Variants in CCDC42 observed in about 807,000 individuals in gnomAD.
The protein encoded by CCDC42 is coiled-coil domain containing 42.
A neutral mutation model predicts 40.8 loss-of-function variants in CCDC42; 38 were observed. That is an observed-to-expected ratio of 0.93 (90% CI 0.72 to 1.22). The LOEUF (loss-of-function observed/expected upper bound fraction) is 1.22, where lower values mean the gene tolerates loss of function less well. CCDC42 is among the 50% of genes most tolerant of loss of function. CCDC42 has a pLI of 0.00. For missense variants in CCDC42, 379 were observed against 416.5 expected (o/e 0.91, Z 0.78); for synonymous variants, 135 against 157.5 (o/e 0.86, Z 1.07).
chr17:8,730,056 T>G lies in CCDC42; in HGVS notation c.*74A>C. On this transcript the variant is annotated 3_prime_UTR_variant, in exon 7 of 7. Coordinates refer to ENST00000293845, the MANE Select transcript of CCDC42 (RefSeq NM_144681.3). ...AGCAGGCATCGGTCCCGAGCTGGAC[T>G]GACTGGACCGCAGGCTCACGACTTC... 7.2e-7 allele frequency: 1 copy of G among 1,391,622 alleles called. No individual in the cohort carries two copies. The highest frequency in any genetic ancestry group is 1.0e-6 in the Non-Finnish European group (1 of 984,048). The allele number at this position is 1,391,622 out of a possible 1,614,324, so 86.2% of individuals were successfully genotyped here.
chr17:8,742,108 A>G (rs1362194390), intron 3 of CCDC42, among the ~76,000 whole-genome samples: 1 of 151,918 alleles, frequency 6.6e-6, no homozygotes, highest in Non-Finnish European at 1.5e-5. Flanking sequence ...GGGAGCAAGA[A>G]CCCTCCTGAC....
At chr17:8,744,287 CCT>C in intron 1 of CCDC42, 103 bp from the exon 2 acceptor site, 1 of 872,076 alleles carries the variant, frequency 1.1e-6, no homozygotes. Flanking sequence ...AGCAGAGGGG[CCT>C]CTCTCCCTTT....
At position 8,730,007 on chromosome 17, in the gene CCDC42, AG is replaced by A; in HGVS notation, c.*122del. 1 of 777,422 alleles carries A rather than the reference AG, an allele frequency of 1.3e-6. No homozygotes were observed. Among genetic ancestry groups the A allele is most frequent in the South Asian group, 1.5e-5 (1 of 68,188 alleles). The allele number at this position is 777,422 out of a possible 1,614,324, so 48.2% of individuals were successfully genotyped here. ...GTGAGGCCCACGGGGGAAAATAAGC[AG>A]GTGTCCCTCAGCAGGAAGGCACAGC... is the stretch of plus-strand genomic sequence containing the variant. On this transcript the variant is annotated 3_prime_UTR_variant, in exon 7 of 7. Coordinates refer to ENST00000293845, the MANE Select transcript of CCDC42 (RefSeq NM_144681.3).
At chr17:8,734,069 C>A (rs938497665) in intron 6 of CCDC42, among the ~76,000 whole-genome samples, 4 of 152,200 alleles carry the variant, frequency 2.6e-5, no homozygotes, top group African/African-American at 9.6e-5. Context: ...TGAGCACCGG[C>A]CTGTCCTCTG....
rs755728387 is a variant in CCDC42, at chr17:8,735,225, G to T, written c.744C>A (p.Thr248=). 6.2e-7 allele frequency: 1 copy of T among 1,614,004 alleles called. No homozygotes were observed. The highest frequency in any genetic ancestry group is 8.5e-7 in the Non-Finnish European group (1 of 1,180,018). Residue 248 remains threonine (T), a synonymous_variant, in exon 6 of 7, where the codon ACC becomes ACA. Coordinates refer to ENST00000293845, the MANE Select transcript of CCDC42 (RefSeq NM_144681.3). The surrounding 1 kb of genome is among the most constrained non-coding windows in gnomAD (Gnocchi z 4.7). ...CAAGCAGGAGGGTCTTCTTGGCTGC[G>T]GTGTTCTGGATGTGCGCCCAGCGAG... is the stretch of plus-strand genomic sequence containing the variant. ...WESRWAHIQN[T]AAKKTLLLGT...
chr17:8,732,049 C>T (rs1265027037), intron 6 of CCDC42, among the ~76,000 whole-genome samples: 1 of 151,832 alleles, frequency 6.6e-6, no homozygotes, highest in Non-Finnish European at 1.5e-5. Flanking sequence ...GCCTGTAATC[C>T]CAGCACTTTG....
chr17:8,735,614 G>A lies in CCDC42; in HGVS notation c.493-3C>T. On this transcript the variant is annotated splice_region_variant and splice_polypyrimidine_tract_variant and intron_variant, in intron 4 of 6. Transcript: ENST00000293845. This position sits in a 1 kb window ranked among gnomAD's most constrained non-coding sequence, Gnocchi z 4.7. Reference sequence around the variant, plus strand: ...ATCACCTCATGGATCTCCTCGAACTGTGGTCAGGGGCTCAGGTCAATGCAC... The same window carrying A: ...ATCACCTCATGGATCTCCTCGAACTATGGTCAGGGGCTCAGGTCAATGCAC... 6.2e-7 allele frequency: 1 copy of A among 1,612,586 alleles called. No homozygotes were observed. Among genetic ancestry groups the A allele is most frequent in the South Asian group, 1.1e-5 (1 of 91,006 alleles).
At position 8,744,687 on chromosome 17, in the gene CCDC42, G is replaced by T; in HGVS notation, c.-78C>A. 1.0e-6 allele frequency: 1 copy of T among 1,000,400 alleles called. No individual in the cohort carries two copies. The allele number at this position is 1,000,400 out of a possible 1,614,324, so 62.0% of individuals were successfully genotyped here. A position where few individuals can be genotyped will look rare whatever the true frequency, so the allele number is the denominator to read the frequency against. Reference sequence around the variant, plus strand: ...GGTAGCAGAGCCACAGGTGGCTCAGGGGTGGTGGCTGCACTCTTGTTTCTC... The same window carrying T: ...GGTAGCAGAGCCACAGGTGGCTCAGTGGTGGTGGCTGCACTCTTGTTTCTC... On this transcript the variant is annotated 5_prime_UTR_variant, in exon 1 of 7. Coordinates refer to ENST00000293845, the MANE Select transcript of CCDC42 (RefSeq NM_144681.3).
At chr17:8,732,047 T>C (rs1203305470) in intron 6 of CCDC42, among the ~76,000 whole-genome samples, 1 of 151,854 alleles carries the variant, frequency 6.6e-6, no homozygotes, top group Non-Finnish European at 1.5e-5. Flanking sequence ...AAGCCTGTAA[T>C]CCCAGCACTT....
In CCDC42 at chr17:8,741,682, G is replaced by A. The variant is rs780257423; in HGVS notation, c.295-11C>T. On this transcript the variant is annotated splice_polypyrimidine_tract_variant and intron_variant, in intron 3 of 6. Transcript: ENST00000293845. ...TTTCTGGTCGTTCTCCTGGGGCCCG[G>A]GGAGGTGGCGCTGGTCAGGAAGCCT... 2 of 1,610,486 alleles carry A rather than the reference G, an allele frequency of 1.2e-6. No individual in the cohort carries two copies. The highest frequency in any genetic ancestry group is 1.7e-6 in the Non-Finnish European group (2 of 1,179,234).
intron 4 of CCDC42, among the ~76,000 whole-genome samples, chr17:8,737,719 CTT>C (rs1455486728): frequency 2.6e-5 from 4 of 152,198 alleles, no homozygotes; most frequent in Non-Finnish European, 5.9e-5. Flanking sequence ...GATATAACCT[CTT>C]TTGTGTCTGG....
intron 1 of CCDC42, 88 bp downstream of exon 1, chr17:8,744,439 G>A (rs2086665394): frequency 5.4e-6 from 6 of 1,104,636 alleles, no homozygotes; most frequent in South Asian, 1.3e-5. Context: ...AGGAGAGGAG[G>A]GGACAGACGG....
intron 6 of CCDC42, among the ~76,000 whole-genome samples, chr17:8,733,933 C>T (rs750035159): frequency 2.8e-4 from 43 of 152,134 alleles, no homozygotes; most frequent in African/African-American, 8.9e-4. Context: ...ACTCTTTTTA[C>T]GATAATATTA....
At chr17:8,741,770 T>C in intron 3 of CCDC42, 99 bp from the exon 4 acceptor site, 7 of 1,162,216 alleles carry the variant, frequency 6.0e-6, no homozygotes, top group South Asian at 2.8e-5. Flanking sequence ...CCCCTCTGTC[T>C]GCACAAACCA....
At position 8,730,165 on chromosome 17, in the gene CCDC42, C is replaced by T. The variant is rs748294744; in HGVS notation, c.916G>A (p.Val306Met). The T allele has an allele frequency of 3.7e-6, 6 of 1,613,860 alleles. No individual in the cohort carries two copies. In the South Asian group the frequency reaches 5.5e-5, roughly 15 times the overall value. ...ACTCGCTGTTGTTCCTTCTTTTTCA[C>T]CTCTGCCCAGATGTCCGACCGGTCT... is the stretch of plus-strand genomic sequence containing the variant. ...IQDRSDIWAE[V>M]KKKEQQRVRI The change falls in exon 7 of 7, where the codon GTG (valine) becomes ATG (methionine). Residue 306 changes from valine (V) to methionine (M), a missense_variant. Physicochemically the swap from Val to Met is conservative, Grantham distance 21. Transcript: ENST00000293845.
In CCDC42 at chr17:8,743,720, C is replaced by T. The variant is rs373585013; in HGVS notation, c.200G>A (p.Arg67His). The change falls in exon 3 of 7, where the codon CGC (arginine) becomes CAC (histidine). Residue 67 changes from arginine (R) to histidine (H), a missense_variant. Arg to His is a conservative substitution (Grantham distance 29, BLOSUM62 0). Transcript: ENST00000293845. The part of the protein sequence containing the change: ...TMVQKKKMFQ[R>H]RMETLNLRWE... ...GCGCAGGTTCAGGGTTTCCATTCTG[C>T]GCTGAAACATCTTTGGGGTGGGGGT... is the stretch of plus-strand genomic sequence containing the variant. 1.2e-4 allele frequency: 195 copies of T among 1,584,256 alleles called. No individual in the cohort carries two copies. Among genetic ancestry groups the T allele is most frequent in the Middle Eastern group, 1.7e-4 (1 of 6,028 alleles).
intron 1 of CCDC42, 110 bp downstream of exon 1, chr17:8,744,417 G>A (rs2086665186): frequency 4.3e-6 from 4 of 921,868 alleles, no homozygotes; most frequent in Admixed American, 3.6e-5. Context: ...GTTATTTGGG[G>A]CACTGGGTTA....
intron 2 of CCDC42, 85 bp downstream of exon 2, chr17:8,743,994 T>G (rs976935449): frequency 9.3e-7 from 1 of 1,071,564 alleles, no homozygotes; most frequent in Admixed American, 2.1e-5. Context: ...ACTCAGACAA[T>G]GGAGGGCTGT....
At chr17:8,731,698 G>T (rs2086581129) in intron 6 of CCDC42, among the ~76,000 whole-genome samples, 1 of 152,200 alleles carries the variant, frequency 6.6e-6, no homozygotes, top group Non-Finnish European at 1.5e-5. Context: ...GGAGCTAAAT[G>T]ATGAGAACAC....
Sources: gnomAD v4.1 joint callset for allele counts (sites outside exome capture counted in the v4.1 genomes callset) on GRCh38, gnomAD v4.1.1 for gene constraint, Gnocchi (gnomAD v3.1) non-coding constraint, MANE v1.5 for transcripts, NCBI Gene and HGNC (gene_info 2026-07-23, HGNC 2026-07-21) for gene names.